CTCF: variants seen among roughly 807,000 people sequenced by gnomAD.
CTCF encodes the protein transcriptional repressor CTCF.
Under a neutral mutation model 72.3 loss-of-function variants are expected in CTCF, and 7 were observed. The ratio of observed to expected loss-of-function variants is 0.10; its 90% CI spans 0.06 to 0.18. The LOEUF (loss-of-function observed/expected upper bound fraction) is 0.18. Among genes scored for constraint, CTCF ranks in the 10% least tolerant of loss-of-function variants. CTCF has a pLI of 1.00. For missense variants in CTCF, 516 were observed against 949.1 expected (o/e 0.54, Z 6.00); for synonymous variants, 374 against 315.8 (o/e 1.18, Z -1.95).
chr16:67,608,967 C>T (rs2052018227), intron 2 of CTCF, among the ~76,000 whole-genome samples: 1 of 151,824 alleles, frequency 6.6e-6, no homozygotes, highest in African/African-American at 2.4e-5. Flanking sequence ...TCTCGTACTC[C>T]CGACCTCAGG....
chr16:67,608,351 A>T (rs2052006279), intron 2 of CTCF, among the ~76,000 whole-genome samples: 1 of 151,430 alleles, frequency 6.6e-6, no homozygotes, highest in Admixed American at 6.6e-5. Context: ...AAAAAAAACG[A>T]CTTGTTAGAT....
At chr16:67,585,103 T>C (rs1264842577) in intron 2 of CTCF, among the ~76,000 whole-genome samples, 1 of 152,228 alleles carries the variant, frequency 6.6e-6, no homozygotes, top group African/African-American at 2.4e-5. Context: ...TGGAGTGCAG[T>C]GGCACAATCT....
At chr16:67,605,472 A>T (rs1328575226) in intron 2 of CTCF, among the ~76,000 whole-genome samples, 1 of 152,208 alleles carries the variant, frequency 6.6e-6, no homozygotes, top group Admixed American at 6.5e-5. Context: ...GTTGTTGAGA[A>T]CAAGGGACTA....
At chr16:67,600,744 G>A (rs1188202216) in intron 2 of CTCF, among the ~76,000 whole-genome samples, 1 of 151,950 alleles carries the variant, frequency 6.6e-6, no homozygotes, top group Admixed American at 6.6e-5. Context: ...TATATAGTAT[G>A]ATTTCATATA....
At chr16:67,629,745 CCTTTTTTTTTTTTTTTTTTTTTTTTTTTT>C (rs2052338482) in intron 10 of CTCF, among the ~76,000 whole-genome samples, 1 of 85,030 alleles carries the variant, frequency 1.2e-5, no homozygotes, top group Non-Finnish European at 2.3e-5. Context: ...TCATTAATGC[CCTTTTTTTTTTTTTTTTTTTTTTTTTTTT>C]TTTTTTTTTT....
chr16:67,608,255 C>T (rs923785363), intron 2 of CTCF, among the ~76,000 whole-genome samples: 18 of 146,978 alleles, frequency 1.2e-4, no homozygotes, highest in Admixed American at 8.1e-4. Flanking sequence ...ACCTGGGAGG[C>T]GGAGCTTGCA....
At chr16:67,603,649 C>T (rs1263354396) in intron 2 of CTCF, among the ~76,000 whole-genome samples, 1 of 151,620 alleles carries the variant, frequency 6.6e-6, no homozygotes, top group East Asian at 1.9e-4. Context: ...CACGGTGAAA[C>T]CCCGTCTCTA....
In CTCF at chr16:67,626,283, CAAAAATA is replaced by C. The variant is rs371364053; in HGVS notation, c.1358-259_1358-253del. 0.021 allele frequency among the ~76,000 whole-genome samples: 3,138 copies of C among 151,288 alleles called. 110 individuals are homozygous for C. The highest frequency in any genetic ancestry group is 0.07 in the African/African-American group (2,877 of 41,158). ...TGAAACCCTGTCTCTACTAAAAATA[CAAAAATA>C]AAAAATAAAAAAATTAGCCGGGCAT... On this transcript the variant is annotated intron_variant, in intron 7 of 11. Coordinates refer to ENST00000264010, the MANE Select transcript of CTCF (RefSeq NM_006565.4).
intron 7 of CTCF, 98 bp from the exon 8 acceptor site, chr16:67,626,452 CAAAAA>C (rs373304235): frequency 2.1e-3 from 805 of 375,718 alleles, no homozygotes; most frequent in South Asian, 3.6e-3. Flanking sequence ...GACTCCGTCT[CAAAAA>C]AAAAAAAAAA....
chr16:67,608,745 T>C (rs1306222392), intron 2 of CTCF, among the ~76,000 whole-genome samples: 1 of 151,816 alleles, frequency 6.6e-6, no homozygotes, highest in Middle Eastern at 3.2e-3. Flanking sequence ...GTTTTTTTTT[T>C]TCTTTTTTGA....
At chr16:67,599,207 C>G (rs144196392) in intron 2 of CTCF, among the ~76,000 whole-genome samples, 4,686 of 152,168 alleles carry the variant, frequency 0.031, 87 homozygotes, top group Middle Eastern at 0.14. Context: ...CCATCCTGGC[C>G]AACGTGGTGA....
intron 2 of CTCF, among the ~76,000 whole-genome samples, chr16:67,585,831 G>T (rs1567597219): frequency 6.6e-6 from 1 of 151,922 alleles, no homozygotes; most frequent in Non-Finnish European, 1.5e-5. Context: ...AAATTTTTAA[G>T]GTTATGTTGA....
Position 67,611,006 on chromosome 16 carries a change from A to G in CTCF, c.174A>G (p.Val58=). 1.9e-6 allele frequency: 3 copies of G among 1,613,980 alleles called. No homozygotes were observed. The South Asian group carries it at 3.3e-5, about 18-fold the overall frequency. ...TGGTCCAGGATGTCAACAGCAGTGT[A>G]CAGATGGTGATGATGGAACAGCTGG... ...GEVVQDVNSS[V]QMVMMEQLDP... Residue 58 remains valine, a synonymous_variant, in exon 3 of 12, where the codon GTA becomes GTG. Coordinates refer to ENST00000264010, the MANE Select transcript of CTCF (RefSeq NM_006565.4).
chr16:67,575,110 G>A (rs548616059), intron 2 of CTCF, among the ~76,000 whole-genome samples: 3 of 152,240 alleles, frequency 2.0e-5, no homozygotes, highest in Non-Finnish European at 4.4e-5. Flanking sequence ...TTAGTCACGC[G>A]TTGTGTTGCA....
intron 2 of CTCF, among the ~76,000 whole-genome samples, chr16:67,607,074 G>A (rs761181339): frequency 2.7e-5 from 4 of 150,398 alleles, no homozygotes; most frequent in South Asian, 2.1e-4. Context: ...CTTCTGCCTC[G>A]GCCTCCTGAG....
intron 2 of CTCF, among the ~76,000 whole-genome samples, chr16:67,603,694 A>G (rs1178897083): frequency 6.7e-6 from 1 of 149,596 alleles, no homozygotes; most frequent in African/African-American, 2.5e-5. Context: ...GCGTGGTGAC[A>G]GGAGCCTGTA....
At chr16:67,599,969 G>A (rs1046072831) in intron 2 of CTCF, among the ~76,000 whole-genome samples, 9 of 152,176 alleles carry the variant, frequency 5.9e-5, no homozygotes, top group African/African-American at 1.9e-4. Context: ...GGGCGGCTAC[G>A]GAGCCTTGGT....
intron 2 of CTCF, among the ~76,000 whole-genome samples, chr16:67,575,939 C>T (rs2051490331): frequency 6.7e-6 from 1 of 149,944 alleles, no homozygotes; most frequent in African/African-American, 2.5e-5. Context: ...AACCCTAACC[C>T]ATTTAAAAAG....
At chr16:67,607,109 A>G (rs1340877136) in intron 2 of CTCF, among the ~76,000 whole-genome samples, 1 of 151,832 alleles carries the variant, frequency 6.6e-6, no homozygotes, top group African/African-American at 2.4e-5. Flanking sequence ...GGCATGTGCC[A>G]CCACACCTGG....
Sources: gnomAD v4.1 joint callset for allele counts (sites outside exome capture counted in the v4.1 genomes callset) on GRCh38, gnomAD v4.1.1 for gene constraint, MANE v1.5 for transcripts, NCBI Gene and HGNC (gene_info 2026-07-23, HGNC 2026-07-21) for gene names.